The following SIPA1L3 variants were observed in gnomAD, a reference collection of about 807,000 sequenced individuals.
The protein encoded by SIPA1L3 is signal induced proliferation associated 1 like 3.
In SIPA1L3, 59 loss-of-function variants were observed where a neutral mutation model predicts 150.1. The ratio of observed to expected loss-of-function variants is 0.39; its 90% CI spans 0.32 to 0.49. SIPA1L3 has a LOEUF of 0.49. Among genes scored for constraint, SIPA1L3 ranks in the 20% least tolerant of loss-of-function variants. The pLI is 0.86. For missense variants in SIPA1L3, 2,211 were observed against 2,489.5 expected (o/e 0.89, Z 2.38); for synonymous variants, 1,070 against 1,077.6 (o/e 0.99, Z 0.14).
intron 2 of SIPA1L3, among the ~76,000 whole-genome samples, chr19:38,051,905 T>C (rs1388378477): frequency 6.6e-6 from 1 of 152,098 alleles, no homozygotes; most frequent in Non-Finnish European, 1.5e-5. Context: ...CTTGAGTTGT[T>C]TTAGTAATGG....
intron 1 of SIPA1L3, among the ~76,000 whole-genome samples, chr19:37,965,508 G>T: frequency 6.6e-6 from 1 of 151,908 alleles, no homozygotes; most frequent in Non-Finnish European, 1.5e-5. Context: ...TAAAGATGGG[G>T]TTTCACCATG....
intron 10 of SIPA1L3, among the ~76,000 whole-genome samples, chr19:38,134,125 A>C (rs1971376640): frequency 6.6e-6 from 1 of 151,842 alleles, no homozygotes; most frequent in Non-Finnish European, 1.5e-5. Flanking sequence ...CTGGGACTAC[A>C]GGCATGCACC....
intron 18 of SIPA1L3, among the ~76,000 whole-genome samples, chr19:38,195,324 A>C (rs1254638059): frequency 1.3e-5 from 2 of 152,072 alleles, no homozygotes; most frequent in African/African-American, 2.4e-5. Context: ...TAAGCCCTGG[A>C]CTGGGTCCCA....
intron 2 of SIPA1L3, among the ~76,000 whole-genome samples, chr19:38,049,283 A>G (rs1969132218): frequency 6.6e-6 from 1 of 152,132 alleles, no homozygotes; most frequent in African/African-American, 2.4e-5. Context: ...AGCTGTGCAC[A>G]CATCCTTGCA....
intron 1 of SIPA1L3, among the ~76,000 whole-genome samples, chr19:37,965,340 G>T: frequency 7.3e-6 from 1 of 136,220 alleles, no homozygotes. Flanking sequence ...TTTTTGAGAA[G>T]GCGTCTCCCT....
chr19:38,205,975 C>A, intron 21 of SIPA1L3, 122 bp from the exon 22 acceptor site: 1 of 1,186,928 alleles, frequency 8.4e-7, no homozygotes, highest in Non-Finnish European at 1.1e-6. Context: ...CCGGCCTGGC[C>A]TGGCTCTAGT....
intron 4 of SIPA1L3, among the ~76,000 whole-genome samples, chr19:38,096,937 T>C (rs1568547853): frequency 6.6e-6 from 1 of 152,226 alleles, no homozygotes; most frequent in Non-Finnish European, 1.5e-5. Context: ...TGGCAAATAC[T>C]GGAAGCAGTT....
intron 9 of SIPA1L3, among the ~76,000 whole-genome samples, chr19:38,121,551 T>A (rs1314302012): frequency 6.7e-6 from 1 of 149,570 alleles, no homozygotes; most frequent in East Asian, 2.0e-4. Flanking sequence ...CCATCCTGGC[T>A]AACACAGTGA....
At chr19:38,204,855 G>A (rs1973173397) in intron 21 of SIPA1L3, among the ~76,000 whole-genome samples, 1 of 152,200 alleles carries the variant, frequency 6.6e-6, no homozygotes, top group Non-Finnish European at 1.5e-5. Flanking sequence ...TGTGAACAAG[G>A]ACGTTCGTTG....
intron 15 of SIPA1L3, among the ~76,000 whole-genome samples, chr19:38,168,867 T>G (rs1972263794): frequency 6.6e-6 from 1 of 152,224 alleles, no homozygotes; most frequent in South Asian, 2.1e-4. Context: ...TCATTAAAGC[T>G]GCTTCCTGAA....
chr19:38,194,229 C>T (rs182299081), intron 18 of SIPA1L3, among the ~76,000 whole-genome samples: 1 of 152,114 alleles, frequency 6.6e-6, no homozygotes, highest in African/African-American at 2.4e-5. Context: ...GACTTGTTCA[C>T]TGCTTAATCA....
chr19:38,190,872 A>C (rs377645338), intron 16 of SIPA1L3, among the ~76,000 whole-genome samples: 2 of 152,156 alleles, frequency 1.3e-5, no homozygotes, highest in South Asian at 4.1e-4. Context: ...CATATTTTTA[A>C]ATCCAATGTG....
rs534873351 is a variant in SIPA1L3, at chr19:38,189,744, C to T, written c.4431-2401C>T. On this transcript the variant is annotated intron_variant, in intron 16 of 21. Transcript: ENST00000222345. ...TCGTGCCATTGGGCTCCAGTCTGGG[C>T]AACAGAGCAAGACCCTGTCTCAAAA... Among the ~76,000 whole-genome samples the T allele has an allele frequency of 6.6e-5, 10 of 152,128 alleles. No individual in the cohort carries two copies. The East Asian group carries it at 1.9e-3, about 29-fold the overall frequency.
rs1600218660 is a variant in SIPA1L3 at position 38,207,996 on chromosome 19, C to T, written c.*1756C>T. On this transcript the variant is annotated 3_prime_UTR_variant, in exon 22 of 22. Transcript: ENST00000222345. ...CCCCTTCTCTGGGGGGCCCACCCGT[C>T]CCCCACCCCCACCCCTTAGACCCTC... 7.7e-6 allele frequency: 1 copy of T among 129,592 alleles called. No homozygotes were observed. The highest frequency in any genetic ancestry group is 2.7e-4 in the East Asian group (1 of 3,672). 8.0% of individuals were successfully genotyped at this position (129,592 alleles called of 1,614,324 possible). A position where few individuals can be genotyped will look rare whatever the true frequency, so the allele number is the denominator to read the frequency against.
intron 1 of SIPA1L3, among the ~76,000 whole-genome samples, chr19:37,980,391 T>C (rs1219734394): frequency 6.6e-6 from 1 of 152,214 alleles, no homozygotes; most frequent in Non-Finnish European, 1.5e-5. Flanking sequence ...TTTGCAAATG[T>C]TTACTGAACA....
intron 10 of SIPA1L3, among the ~76,000 whole-genome samples, chr19:38,134,231 G>A (rs1479448233): frequency 4.0e-5 from 6 of 150,506 alleles, no homozygotes; most frequent in South Asian, 2.1e-4. Context: ...TGATCTGCCC[G>A]CCTCGACCTC....
intron 11 of SIPA1L3, among the ~76,000 whole-genome samples, chr19:38,141,709 A>G (rs1971590195): frequency 6.6e-6 from 1 of 152,184 alleles, no homozygotes; most frequent in African/African-American, 2.4e-5. Flanking sequence ...TAGGCTGGGC[A>G]CGGTGGCTCA....
At chr19:38,091,769 T>C (rs1398613370) in intron 4 of SIPA1L3, among the ~76,000 whole-genome samples, 2 of 151,954 alleles carry the variant, frequency 1.3e-5, no homozygotes, top group Non-Finnish European at 2.9e-5. Flanking sequence ...GTAATGAAAA[T>C]ACAATAGGCG....
intron 2 of SIPA1L3, among the ~76,000 whole-genome samples, chr19:38,080,038 CAG>C (rs1969940879): frequency 1.3e-5 from 2 of 152,084 alleles, no homozygotes; most frequent in African/African-American, 4.8e-5. Flanking sequence ...GCTTGTGGAG[CAG>C]GGGAAGGAGT....
Sources: allele counts gnomAD v4.1 joint callset (sites outside exome capture counted in the v4.1 genomes callset), GRCh38; gene constraint gnomAD v4.1.1; transcripts MANE v1.5; gene names NCBI Gene and HGNC (gene_info 2026-07-23, HGNC 2026-07-21).